PLEKHA5: variants seen among roughly 807,000 people sequenced by gnomAD.
The protein encoded by PLEKHA5 is pleckstrin homology domain containing A5, also known as pleckstrin homology domain-containing family A member 5.
Under a neutral mutation model 181.9 loss-of-function variants are expected in PLEKHA5, and 55 were observed. The ratio of observed to expected loss-of-function variants is 0.30; its 90% CI spans 0.24 to 0.38. PLEKHA5 has a LOEUF of 0.38. Among genes scored for constraint, PLEKHA5 ranks in the 10% least tolerant of loss-of-function variants. The probability of loss-of-function intolerance (pLI) is 1.00; values close to 1 mark genes in which losing one functional copy is unlikely to be tolerated. For synonymous variants in PLEKHA5, 535 were observed against 529.4 expected, an observed-to-expected ratio of 1.01 and a Z score of -0.15; for missense variants, 1,432 against 1,549.5, an observed-to-expected ratio of 0.92 and a Z score of 1.27.
At chr12:19,174,725 A>G (rs1313308537) in intron 3 of PLEKHA5, among the ~76,000 whole-genome samples, 1 of 152,108 alleles carries the variant, frequency 6.6e-6, no homozygotes, top group East Asian at 1.9e-4. Context: ...GCCTTTTATT[A>G]TTTACATGAT....
intron 15 of PLEKHA5, among the ~76,000 whole-genome samples, chr12:19,300,856 CG>C (rs1234107035): frequency 1.3e-5 from 2 of 151,530 alleles, no homozygotes; most frequent in African/African-American, 2.4e-5. Context: ...AAAATTTGGA[CG>C]GGTGCGGTGG....
intron 13 of PLEKHA5, chr12:19,288,095 A>G: frequency 2.9e-6 from 1 of 340,362 alleles, no homozygotes; most frequent in South Asian, 2.6e-5. Context: ...AAAAAAAAAA[A>G]AAGAAACTTT....
At chr12:19,230,132 A>G (rs1053124085) in intron 3 of PLEKHA5, among the ~76,000 whole-genome samples, 3 of 152,156 alleles carry the variant, frequency 2.0e-5, no homozygotes, top group Non-Finnish European at 4.4e-5. Flanking sequence ...TTAGGTAGAC[A>G]TAAGGGTTCT....
At chr12:19,213,277 A>G (rs961447987) in intron 3 of PLEKHA5, among the ~76,000 whole-genome samples, 11 of 147,480 alleles carry the variant, frequency 7.5e-5, no homozygotes, top group Non-Finnish European at 1.3e-4. Context: ...TGAAGGATGA[A>G]TAGGCATTTG....
At chr12:19,320,808 T>C (rs968463711) in intron 18 of PLEKHA5, 184 bp downstream of exon 18, 26 of 376,894 alleles carry the variant, frequency 6.9e-5, no homozygotes, top group Non-Finnish European at 6.3e-5. Context: ...CTGCTCCCTA[T>C]TGTTAGCAGT....
chr12:19,248,668 A>G (rs1269468195), intron 3 of PLEKHA5, among the ~76,000 whole-genome samples: 1 of 152,196 alleles, frequency 6.6e-6, no homozygotes, highest in Non-Finnish European at 1.5e-5. Context: ...TTTTTATAGT[A>G]GGCAGTACCA....
chr12:19,211,832 G>A (rs901780642), intron 3 of PLEKHA5, among the ~76,000 whole-genome samples: 1 of 152,146 alleles, frequency 6.6e-6, no homozygotes, highest in African/African-American at 2.4e-5. Flanking sequence ...CAGTTTGGTT[G>A]TTTTAAAGTT....
intron 3 of PLEKHA5, among the ~76,000 whole-genome samples, chr12:19,245,546 G>T (rs1860116942): frequency 2.0e-5 from 3 of 151,734 alleles, no homozygotes; most frequent in Non-Finnish European, 1.5e-5. Flanking sequence ...TGGCCAATAT[G>T]GTGAAACCCC....
In PLEKHA5 at chr12:19,311,246, C is replaced by T. The variant is rs184733093; in HGVS notation, c.2038-3568C>T. Among the ~76,000 whole-genome samples, 20 of 145,116 alleles carry T rather than the reference C, an allele frequency of 1.4e-4. No individual in the cohort carries two copies. In the Middle Eastern group the frequency reaches 0.011, roughly 78 times the overall value. Reference sequence around the variant, plus strand: ...TTTGAGACCAGCCTTGGCAACATACCAAGACCCTGTCTCTGCAAAAAAAAA... The same window carrying T: ...TTTGAGACCAGCCTTGGCAACATACTAAGACCCTGTCTCTGCAAAAAAAAA... On this transcript the variant is annotated intron_variant, in intron 15 of 31. Transcript: ENST00000429027.
chr12:19,163,932 T>C (rs924794241), intron 3 of PLEKHA5, among the ~76,000 whole-genome samples: 3 of 152,100 alleles, frequency 2.0e-5, no homozygotes, highest in Non-Finnish European at 4.4e-5. Context: ...AACTCAGAAT[T>C]TTCTTCCATT....
chr12:19,235,814 T>G (rs995965768), intron 3 of PLEKHA5, among the ~76,000 whole-genome samples: 3 of 152,198 alleles, frequency 2.0e-5, no homozygotes, highest in Non-Finnish European at 4.4e-5. Context: ...GTGCAATGGC[T>G]TTCTTGCAAA....
intron 15 of PLEKHA5, among the ~76,000 whole-genome samples, chr12:19,294,578 A>G (rs745607967): frequency 2.6e-5 from 4 of 152,178 alleles, no homozygotes; most frequent in Non-Finnish European, 4.4e-5. Context: ...ACCCAAGACC[A>G]GCAACAAAAT....
intron 3 of PLEKHA5, among the ~76,000 whole-genome samples, chr12:19,192,027 C>T (rs1434948441): frequency 6.6e-6 from 1 of 151,812 alleles, no homozygotes; most frequent in Non-Finnish European, 1.5e-5. Context: ...TTGTATAGTC[C>T]GTGTATAGGC....
At chr12:19,161,611 G>A (rs1001034343) in intron 3 of PLEKHA5, among the ~76,000 whole-genome samples, 4 of 151,932 alleles carry the variant, frequency 2.6e-5, no homozygotes, top group African/African-American at 4.8e-5. Flanking sequence ...CCAAGGGTGC[G>A]AACCACCGTT....
At chr12:19,312,466 G>A (rs1269452141) in intron 15 of PLEKHA5, among the ~76,000 whole-genome samples, 2 of 152,178 alleles carry the variant, frequency 1.3e-5, no homozygotes, top group Admixed American at 6.5e-5. Context: ...TAGATCTTCT[G>A]AATAACTTGC....
chr12:19,207,582 G>A (rs150574859), intron 3 of PLEKHA5: 71 of 152,266 alleles, frequency 4.7e-4, no homozygotes, highest in African/African-American at 1.4e-3. Context: ...ATGAAAATGG[G>A]TTTTGTGGTC....
intron 15 of PLEKHA5, among the ~76,000 whole-genome samples, chr12:19,309,700 G>A (rs1220422669): frequency 1.3e-5 from 2 of 151,854 alleles, no homozygotes; most frequent in Non-Finnish European, 2.9e-5. Flanking sequence ...AGCCTAGATC[G>A]TGCCACTGCA....
intron 3 of PLEKHA5, among the ~76,000 whole-genome samples, chr12:19,250,622 T>C (rs1002413489): frequency 6.6e-6 from 1 of 152,120 alleles, no homozygotes; most frequent in Non-Finnish European, 1.5e-5. Context: ...AATAAAGACT[T>C]GAATTTTATC....
At chr12:19,293,134 A>C (rs1220682276) in intron 15 of PLEKHA5, among the ~76,000 whole-genome samples, 1 of 152,210 alleles carries the variant, frequency 6.6e-6, no homozygotes, top group Non-Finnish European at 1.5e-5. Flanking sequence ...ATTTTATCAA[A>C]TAAAGAGGTT....
Sources: allele counts gnomAD v4.1 joint callset (sites outside exome capture counted in the v4.1 genomes callset), GRCh38; gene constraint gnomAD v4.1.1; transcripts MANE v1.5; gene names NCBI Gene and HGNC (gene_info 2026-07-23, HGNC 2026-07-21).